The following PTPN12 variants were observed in gnomAD, a reference collection of about 807,000 sequenced individuals.
PTPN12 encodes protein tyrosine phosphatase non-receptor type 12.
In PTPN12, 29 loss-of-function variants were observed where a neutral mutation model predicts 97.6. The ratio of observed to expected loss-of-function variants is 0.30; its 90% confidence interval spans 0.22 to 0.41. The LOEUF (loss-of-function observed/expected upper bound fraction) is 0.41. PTPN12 is among the 10% of genes least tolerant of loss of function. PTPN12 has a pLI of 1.00. For missense variants in PTPN12, 819 were observed against 926.0 expected, an observed-to-expected ratio of 0.88 and a Z score of 1.50; for synonymous variants, 327 against 300.4, an observed-to-expected ratio of 1.09 and a Z score of -0.91.
At chr7:77,595,682 A>C (rs1012012943) in intron 6 of PTPN12, among the ~76,000 whole-genome samples, 1 of 152,374 alleles carries the variant, frequency 6.6e-6, no homozygotes, top group Non-Finnish European at 1.5e-5. Flanking sequence ...TTACAGAAAT[A>C]TTTGAAAAAG....
At chr7:77,597,966 G>T in intron 7 of PTPN12, 65 bp downstream of exon 7, 1 of 1,576,030 alleles carries the variant, frequency 6.3e-7, no homozygotes, top group Admixed American at 1.8e-5. Context: ...AGTGGCTCAT[G>T]CCTGTAATCC....
chr7:77,607,942 A>G (rs1788431013), intron 9 of PTPN12, among the ~76,000 whole-genome samples: 1 of 152,062 alleles, frequency 6.6e-6, no homozygotes, highest in South Asian at 2.1e-4. Context: ...TTTGGTACAG[A>G]CAGGGTTTCA....
intron 16 of PTPN12, among the ~76,000 whole-genome samples, chr7:77,637,826 C>T (rs1789648780): frequency 2.3e-5 from 3 of 129,608 alleles, no homozygotes; most frequent in South Asian, 5.0e-4. Flanking sequence ...CATTGCACTC[C>T]AACCCGGGCA....
At chr7:77,606,273 T>C (rs1239570531) in intron 8 of PTPN12, among the ~76,000 whole-genome samples, 1 of 150,514 alleles carries the variant, frequency 6.6e-6, no homozygotes, top group Non-Finnish European at 1.5e-5. Context: ...ATCTTGAACA[T>C]AGAATAAATG....
chr7:77,576,319 CTT>C (rs1381904383), intron 2 of PTPN12, among the ~76,000 whole-genome samples: 1 of 152,098 alleles, frequency 6.6e-6, no homozygotes, highest in Non-Finnish European at 1.5e-5. Flanking sequence ...TTTTGTTTCT[CTT>C]GGTTGGATAG....
At chr7:77,590,146 A>G (rs1787819481) in intron 5 of PTPN12, among the ~76,000 whole-genome samples, 1 of 152,218 alleles carries the variant, frequency 6.6e-6, no homozygotes, top group South Asian at 2.1e-4. Context: ...CTCACATTTG[A>G]AAGGAAATAA....
intron 2 of PTPN12, among the ~76,000 whole-genome samples, chr7:77,571,613 CTG>C (rs1475676746): frequency 2.0e-5 from 3 of 152,178 alleles, no homozygotes; most frequent in African/African-American, 7.2e-5. Context: ...ACTCAAACAT[CTG>C]TGTGTCTACT....
intron 2 of PTPN12, among the ~76,000 whole-genome samples, chr7:77,575,317 C>T (rs1402766810): frequency 6.8e-6 from 1 of 147,396 alleles, no homozygotes; most frequent in Non-Finnish European, 1.5e-5. Flanking sequence ...TAGCAAAACT[C>T]AACACACACA....
Position 77,637,941 on chromosome 7 carries a change from TAA to T in PTPN12, c.2174-680_2174-679del, listed in dbSNP as rs1156290903. On this transcript the variant is annotated intron_variant, in intron 16 of 17. Transcript: ENST00000248594. Reference sequence around the variant, plus strand: ...ATTAACCCTGACCTTGTTGATTTCTTAAAATTTTTTTTTTTTTTTTTTTTTTT... The same window carrying T: ...ATTAACCCTGACCTTGTTGATTTCTTAATTTTTTTTTTTTTTTTTTTTTTT... Among the ~76,000 whole-genome samples the T allele has an allele frequency of 2.1e-3, 202 of 95,136 alleles. 12 individuals are homozygous for T. Among genetic ancestry groups the T allele is most frequent in the Admixed American group, 0.015 (101 of 6,858 alleles). 62.4% of individuals were successfully genotyped at this position (95,136 alleles called of 152,430 possible).
chr7:77,590,863 C>G (rs913539723), intron 5 of PTPN12, among the ~76,000 whole-genome samples: 1 of 151,574 alleles, frequency 6.6e-6, no homozygotes, highest in Non-Finnish European at 1.5e-5. Context: ...CACGCCCGGC[C>G]TCCATCTATT....
At chr7:77,593,902 T>C (rs189444621) in intron 6 of PTPN12, among the ~76,000 whole-genome samples, 2 of 152,380 alleles carry the variant, frequency 1.3e-5, no homozygotes, top group Admixed American at 1.3e-4. Flanking sequence ...GTGGTTTTAC[T>C]TGTCATTGCT....
chr7:77,623,387 G>A (rs181504707), intron 12 of PTPN12, among the ~76,000 whole-genome samples: 188 of 152,330 alleles, frequency 1.2e-3, no homozygotes, highest in African/African-American at 4.3e-3. Context: ...AAGGATATAT[G>A]GGGTTTGTTA....
At chr7:77,599,317 C>CA in intron 7 of PTPN12, among the ~76,000 whole-genome samples, 1 of 123,874 alleles carries the variant, frequency 8.1e-6, no homozygotes, top group Middle Eastern at 4.5e-3. Flanking sequence ...AGCGCCCCGA[C>CA]TTTTTTTTTT....
At chr7:77,627,744 T>G (rs768229844) in intron 13 of PTPN12, 69 bp downstream of exon 13, 5 of 1,388,962 alleles carry the variant, frequency 3.6e-6, no homozygotes, top group Non-Finnish European at 4.7e-6. Context: ...GCACTTTAGC[T>G]GTATTGATTT....
chr7:77,623,487 G>T (rs1789018183), intron 12 of PTPN12, among the ~76,000 whole-genome samples: 1 of 152,150 alleles, frequency 6.6e-6, no homozygotes, highest in Non-Finnish European at 1.5e-5. Context: ...GAGGAGGGCG[G>T]ATCACTTGAC....
Position 77,541,304 on chromosome 7 carries a change from C to T in PTPN12, c.99+3659C>T, listed in dbSNP as rs962705750. Among the ~76,000 whole-genome samples the T allele has an allele frequency of 1.1e-4, 17 of 152,268 alleles. 1 individual carries two copies. The highest frequency in any genetic ancestry group is 4.1e-4 in the African/African-American group (17 of 41,560). ...ACAGGGTTTCCCCATGTTGCCCAGG[C>T]TGGTCTCAAACTCCTGGGCTCAAGC... On this transcript the variant is annotated intron_variant, in intron 1 of 17. Coordinates refer to ENST00000248594, the MANE Select transcript of PTPN12 (RefSeq NM_002835.4).
chr7:77,637,146 C>A, intron 16 of PTPN12, 98 bp downstream of exon 16: 2 of 970,626 alleles, frequency 2.1e-6, no homozygotes, highest in South Asian at 1.5e-5. Flanking sequence ...ATAGTTATTT[C>A]TGTATGTGAA....
intron 2 of PTPN12, among the ~76,000 whole-genome samples, chr7:77,573,993 T>A (rs1240788504): frequency 1.3e-5 from 2 of 152,206 alleles, no homozygotes; most frequent in African/African-American, 4.8e-5. Context: ...ACTCCTAACG[T>A]CAGGTCATCC....
intron 1 of PTPN12, among the ~76,000 whole-genome samples, chr7:77,547,173 C>CT (rs371950845): frequency 3.2e-4 from 48 of 152,340 alleles, no homozygotes; most frequent in African/African-American, 1.1e-3. Flanking sequence ...TCCATGGTCT[C>CT]TATCATTTAT....
Sources: gnomAD v4.1 joint callset for allele counts (sites outside exome capture counted in the v4.1 genomes callset) on GRCh38, gnomAD v4.1.1 for gene constraint, MANE v1.5 for transcripts, NCBI Gene and HGNC (gene_info 2026-07-23, HGNC 2026-07-21) for gene names.